Variants in ZNF407 observed in about 807,000 individuals in gnomAD.
The protein encoded by ZNF407 is zinc finger protein 407.
ZNF407 carries 17 observed loss-of-function variants against 131.2 expected under a neutral mutation model. That is an observed-to-expected ratio of 0.13 (90% CI 0.09 to 0.19). The LOEUF is 0.19. Among genes scored for constraint, ZNF407 ranks in the 10% least tolerant of loss-of-function variants. The probability of loss-of-function intolerance (pLI) is 1.00; values close to 1 mark genes in which losing one functional copy is unlikely to be tolerated. For missense variants in ZNF407, 2,681 were observed against 2,830.6 expected, an observed-to-expected ratio of 0.95 and a Z score of 1.20; for synonymous variants, 1,156 against 1,062.0, an observed-to-expected ratio of 1.09 and a Z score of -1.72.
chr18:75,044,789 T>C (rs1435636624), intron 8 of ZNF407, among the ~76,000 whole-genome samples: 1 of 152,172 alleles, frequency 6.6e-6, no homozygotes, highest in Non-Finnish European at 1.5e-5. Context: ...TTCACATTAT[T>C]TTTATGTGTG....
intron 3 of ZNF407, among the ~76,000 whole-genome samples, chr18:74,737,307 T>G (rs1968440575): frequency 6.6e-6 from 1 of 152,246 alleles, no homozygotes; most frequent in African/African-American, 2.4e-5. Context: ...TCTTTAGCAC[T>G]GTTGGGGAAA....
At chr18:74,743,240 G>A (rs2144925098) in intron 3 of ZNF407, among the ~76,000 whole-genome samples, 1 of 152,120 alleles carries the variant, frequency 6.6e-6, no homozygotes, top group East Asian at 1.9e-4. Context: ...AATTTTAAAT[G>A]ACCACAAGAT....
chr18:74,841,827 A>G (rs1431445960), intron 4 of ZNF407, among the ~76,000 whole-genome samples: 1 of 152,200 alleles, frequency 6.6e-6, no homozygotes, highest in Non-Finnish European at 1.5e-5. Flanking sequence ...CCCTAGACTC[A>G]AGTATCCAGC....
chr18:74,851,675 T>TC (rs767499065), intron 4 of ZNF407, among the ~76,000 whole-genome samples: 2 of 152,160 alleles, frequency 1.3e-5, no homozygotes, highest in Non-Finnish European at 2.9e-5. Context: ...GGGAAATTCT[T>TC]GATTTATTTT....
At chr18:74,627,262 C>T (rs1004770836) in intron 1 of ZNF407, among the ~76,000 whole-genome samples, 5 of 152,102 alleles carry the variant, frequency 3.3e-5, no homozygotes, top group Non-Finnish European at 5.9e-5. Flanking sequence ...TGTATTGTCT[C>T]GATGTCTCAT....
chr18:74,690,171 A>G (rs2144796431), intron 3 of ZNF407, among the ~76,000 whole-genome samples: 2 of 152,354 alleles, frequency 1.3e-5, no homozygotes, highest in East Asian at 3.9e-4. Context: ...AATGGCACAC[A>G]TGGTTTCTTT....
intron 7 of ZNF407, among the ~76,000 whole-genome samples, chr18:74,912,861 A>C: frequency 6.6e-6 from 1 of 152,238 alleles, no homozygotes; most frequent in East Asian, 1.9e-4. Flanking sequence ...GAGAATGACC[A>C]ACAATCATTT....
chr18:74,900,058 C>T (rs560514527), intron 7 of ZNF407, among the ~76,000 whole-genome samples: 3 of 152,200 alleles, frequency 2.0e-5, no homozygotes, highest in Non-Finnish European at 4.4e-5. Context: ...CTGAAATGTA[C>T]TTTAATGTTT....
chr18:75,004,514 G>A (rs924018404), intron 8 of ZNF407, among the ~76,000 whole-genome samples: 2 of 152,096 alleles, frequency 1.3e-5, no homozygotes, highest in African/African-American at 2.4e-5. Context: ...GGAATAAAAC[G>A]AGAGCGGCAT....
intron 8 of ZNF407, among the ~76,000 whole-genome samples, chr18:75,015,024 A>G (rs868386605): frequency 6.6e-6 from 1 of 152,202 alleles, no homozygotes; most frequent in African/African-American, 2.4e-5. Context: ...AGTAGATTAT[A>G]CATTCCTTTC....
chr18:74,851,447 ATTATAC>A (rs1327983222), intron 4 of ZNF407, among the ~76,000 whole-genome samples: 1 of 152,226 alleles, frequency 6.6e-6, no homozygotes, highest in African/African-American at 2.4e-5. Context: ...ACATTTATGT[ATTATAC>A]TTATATATGT....
intron 3 of ZNF407, among the ~76,000 whole-genome samples, chr18:74,709,731 A>G (rs1480895707): frequency 1.3e-5 from 2 of 152,212 alleles, no homozygotes. Flanking sequence ...TGTGCTATGC[A>G]GCTTTCACTT....
chr18:74,974,049 A>G (rs72981580), intron 8 of ZNF407, among the ~76,000 whole-genome samples: 19,755 of 152,244 alleles, frequency 0.13, 1,555 homozygotes, highest in Admixed American at 0.26. Flanking sequence ...GACATATGGC[A>G]ATTCAATTAA....
intron 3 of ZNF407, among the ~76,000 whole-genome samples, chr18:74,770,659 C>T (rs1414249355): frequency 6.6e-6 from 1 of 152,062 alleles, no homozygotes; most frequent in Non-Finnish European, 1.5e-5. Context: ...GGAATTGACC[C>T]TTGAAATAAA....
chr18:74,615,254 C>G (rs1177153830), intron 1 of ZNF407, among the ~76,000 whole-genome samples: 1 of 152,226 alleles, frequency 6.6e-6, no homozygotes, highest in Admixed American at 6.5e-5. Flanking sequence ...CGCCTGTAAT[C>G]CCAGCACTTT....
At position 74,736,989 on chromosome 18, in the gene ZNF407, A is replaced by G. The variant is rs116246515; in HGVS notation, c.4803-44439A>G. ...AACACAGGGTTAACACTTCCTAGAT[A>G]AGTTGCTATTATAAAGTTTCTTCAT... On this transcript the variant is annotated intron_variant, in intron 3 of 8. Coordinates refer to ENST00000299687, the MANE Select transcript of ZNF407 (RefSeq NM_017757.3). 4.1e-3 allele frequency among the ~76,000 whole-genome samples: 622 copies of G among 152,274 alleles called. 11 individuals are homozygous for G. The highest frequency in any genetic ancestry group is 0.014 in the African/African-American group (570 of 41,556).
chr18:74,820,798 G>T (rs567341325), intron 4 of ZNF407, among the ~76,000 whole-genome samples: 2 of 152,120 alleles, frequency 1.3e-5, no homozygotes, highest in Non-Finnish European at 2.9e-5. Flanking sequence ...AGAAGTCTAT[G>T]ATGGAAGATG....
intron 8 of ZNF407, among the ~76,000 whole-genome samples, chr18:75,034,226 A>C (rs765703668): frequency 5.9e-5 from 9 of 152,086 alleles, no homozygotes; most frequent in Non-Finnish European, 1.3e-4. Flanking sequence ...TATCTATTCA[A>C]AGAGTATATT....
intron 7 of ZNF407, among the ~76,000 whole-genome samples, chr18:74,914,406 C>T (rs1180472260): frequency 2.0e-5 from 3 of 152,180 alleles, no homozygotes; most frequent in African/African-American, 7.2e-5. Context: ...GTGCCGGAGC[C>T]ATGCAGTGTG....
Sources: allele counts gnomAD v4.1 joint callset (sites outside exome capture counted in the v4.1 genomes callset), GRCh38; gene constraint gnomAD v4.1.1; transcripts MANE v1.5; gene names NCBI Gene and HGNC (gene_info 2026-07-23, HGNC 2026-07-21).